GLRA2: variants seen among roughly 807,000 people sequenced by gnomAD.
The protein encoded by GLRA2 is glycine receptor alpha 2.
GLRA2 carries 11 observed loss-of-function variants against 31.6 expected under a neutral mutation model. That is an observed-to-expected ratio of 0.35 (90% confidence interval 0.22 to 0.58). GLRA2 has a LOEUF of 0.58. GLRA2 is among the 20% of genes least tolerant of loss of function. GLRA2 has a pLI of 0.84. For missense variants in GLRA2, 212 were observed against 351.8 expected (o/e 0.60, Z 3.18); for synonymous variants, 132 against 134.0 (o/e 0.99, Z 0.10).
At chrX:14,492,212 G>T in the GLRA2 span, among the ~76,000 whole-genome samples, 12 of 110,563 alleles carry the variant, frequency 1.1e-4, no homozygotes, top group Non-Finnish European at 2.1e-4. Flanking sequence ...CTTGAGTTTT[G>T]TAGGAGCTTA....
At chrX:14,576,654 C>T (rs948548609) in intron 3 of GLRA2, among the ~76,000 whole-genome samples, 4 of 112,371 alleles carry the variant, frequency 3.6e-5, no homozygotes, top group African/African-American at 1.3e-4. Context: ...AAAAGCTAAA[C>T]ATTTAAAGAG....
chrX:14,523,660 G>T, the GLRA2 span, among the ~76,000 whole-genome samples: 1 of 111,229 alleles, frequency 9.0e-6, no homozygotes, highest in African/African-American at 3.3e-5. Flanking sequence ...TTTCAATATT[G>T]TTGTGTCTCA....
At chrX:14,688,097 C>T (rs933346155) in intron 7 of GLRA2, among the ~76,000 whole-genome samples, 18 of 111,818 alleles carry the variant, frequency 1.6e-4, no homozygotes, top group Admixed American at 1.2e-3. Flanking sequence ...GTATCAGCAG[C>T]GGAGGCTGCA....
At chrX:14,631,312 C>T (rs1052032346) in intron 7 of GLRA2, among the ~76,000 whole-genome samples, 2 of 111,036 alleles carry the variant, frequency 1.8e-5, no homozygotes, top group Non-Finnish European at 3.8e-5. Context: ...GCTTTTTGAA[C>T]ATATAGAATG....
intron 2 of GLRA2, among the ~76,000 whole-genome samples, chrX:14,532,764 A>G (rs1181982082): frequency 4.5e-5 from 5 of 112,007 alleles, no homozygotes; most frequent in Non-Finnish European, 9.4e-5. Context: ...TTAAATACCT[A>G]CATCAAAGTA....
chrX:14,684,798 G>A (rs1023756542), intron 7 of GLRA2, among the ~76,000 whole-genome samples: 1 of 111,073 alleles, frequency 9.0e-6, no homozygotes, highest in Non-Finnish European at 1.9e-5. Context: ...CTAATTGAAA[G>A]CCCTTTATTT....
At chrX:14,554,531 C>G (rs1393216067) in intron 2 of GLRA2, among the ~76,000 whole-genome samples, 2 of 111,690 alleles carry the variant, frequency 1.8e-5, no homozygotes, top group Non-Finnish European at 1.9e-5. Flanking sequence ...CTCCAAGCTG[C>G]TAAAGCTTGG....
At chrX:14,703,866 T>C (rs961049015) in intron 8 of GLRA2, among the ~76,000 whole-genome samples, 1 of 111,754 alleles carries the variant, frequency 8.9e-6, no homozygotes, top group Admixed American at 9.5e-5. Flanking sequence ...CACACATCCT[T>C]TATTGACTTT....
At chrX:14,513,678 T>C in the GLRA2 span, among the ~76,000 whole-genome samples, 1 of 111,943 alleles carries the variant, frequency 8.9e-6, no homozygotes, top group Admixed American at 9.5e-5. Flanking sequence ...TCAACATCAC[T>C]AATGATCAGG....
chrX:14,530,589 A>G (rs2089241374), intron 1 of GLRA2, among the ~76,000 whole-genome samples: 1 of 111,856 alleles, frequency 8.9e-6, no homozygotes, highest in Non-Finnish European at 1.9e-5. Context: ...GAAGCATACT[A>G]TGAGGACTAC....
intron 7 of GLRA2, among the ~76,000 whole-genome samples, chrX:14,661,292 A>G (rs765313672): frequency 2.3e-3 from 263 of 112,286 alleles, no homozygotes; most frequent in African/African-American, 8.3e-3. Context: ...TCAAATATGG[A>G]CTTTGAACTT....
At chrX:14,459,503 G>A in the GLRA2 span, among the ~76,000 whole-genome samples, 1 of 110,668 alleles carries the variant, frequency 9.0e-6, no homozygotes, top group Admixed American at 9.6e-5. Context: ...TCCTACCCAT[G>A]AGCATGGAAT....
chrX:14,522,178 T>A, the GLRA2 span, among the ~76,000 whole-genome samples: 2 of 112,451 alleles, frequency 1.8e-5, no homozygotes, highest in African/African-American at 6.5e-5. Context: ...ATATCCTGAA[T>A]CCTTTGTTGT....
chrX:14,507,942 C>G, the GLRA2 span, among the ~76,000 whole-genome samples: 1 of 110,140 alleles, frequency 9.1e-6, no homozygotes, highest in Admixed American at 9.6e-5. Context: ...GATCCACCCG[C>G]CTTGGTCTCC....
At chrX:14,512,920 A>C in the GLRA2 span, among the ~76,000 whole-genome samples, 9 of 111,727 alleles carry the variant, frequency 8.1e-5, no homozygotes, top group African/African-American at 2.9e-4. Flanking sequence ...AAAAAATCCT[A>C]AAATTCATAT....
At chrX:14,632,763 C>A (rs1024765946) in intron 7 of GLRA2, among the ~76,000 whole-genome samples, 1 of 111,498 alleles carries the variant, frequency 9.0e-6, no homozygotes, top group Non-Finnish European at 1.9e-5. Context: ...TCATACTTAA[C>A]GCCATGGATG....
At chrX:14,467,656 C>T in the GLRA2 span, among the ~76,000 whole-genome samples, 4 of 111,100 alleles carry the variant, frequency 3.6e-5, no homozygotes, top group Admixed American at 9.6e-5. Context: ...CCTGCATGTC[C>T]GAACATTTAA....
intron 2 of GLRA2, among the ~76,000 whole-genome samples, chrX:14,542,344 G>A (rs2089416704): frequency 8.9e-6 from 1 of 112,069 alleles, no homozygotes. Flanking sequence ...CTTTGAGGTG[G>A]AGACTTAACA....
intron 8 of GLRA2, among the ~76,000 whole-genome samples, chrX:14,723,808 C>G (rs1348715898): frequency 8.9e-6 from 1 of 112,131 alleles, no homozygotes; most frequent in Non-Finnish European, 1.9e-5. Flanking sequence ...TCTTATCTGT[C>G]AGATTAGACC....
Sources: gnomAD v4.1 joint callset for allele counts (sites outside exome capture counted in the v4.1 genomes callset) on GRCh38, gnomAD v4.1.1 for gene constraint, MANE v1.5 for transcripts, NCBI Gene and HGNC (gene_info 2026-07-23, HGNC 2026-07-21) for gene names.